Variants in FRMPD4 observed in about 807,000 individuals in gnomAD.
FRMPD4 encodes FERM and PDZ domain containing 4, also known as FERM and PDZ domain-containing protein 4.
Under a neutral mutation model 94.1 loss-of-function variants are expected in FRMPD4, and 22 were observed. The observed-to-expected ratio is 0.23, with a 90% CI of 0.17 to 0.33. FRMPD4 has a LOEUF of 0.33. FRMPD4 is among the 10% of genes least tolerant of loss of function. FRMPD4 has a pLI of 1.00. For synonymous variants in FRMPD4, 631 were observed against 548.6 expected (o/e 1.15, Z -2.10); for missense variants, 1,111 against 1,339.9 (o/e 0.83, Z 2.67).
intron 3 of FRMPD4, among the ~76,000 whole-genome samples, chrX:11,990,579 T>C (rs544695072): frequency 1.8e-5 from 2 of 112,114 alleles, no homozygotes; most frequent in African/African-American, 6.5e-5. Context: ...ACTGGGCTTG[T>C]TTTCCTAGTT....
rs2042225560 is a variant in FRMPD4 at position 12,720,895 on chromosome X, G to A, written c.4326G>A (p.Arg1442=). The A allele has an allele frequency of 1.2e-6, 1 of 842,731 alleles. No homozygotes were observed. Among genetic ancestry groups the A allele is most frequent in the Non-Finnish European group, 1.4e-6 (1 of 694,422 alleles). 69.5% of individuals were successfully genotyped at this position (842,731 alleles called of 1,213,427 possible). The change falls in exon 17 of 17, where the codon AGG becomes AGA. Residue 1442 remains arginine (R), a synonymous_variant. Coordinates refer to ENST00000675598, the MANE Select transcript of FRMPD4 (RefSeq NM_001368397.1). Reference sequence around the variant, plus strand: ...AAGCACAGGAGGCCAGTTCTGAAAGGCGAGCAGAACTCCCCCTGGGGAGGA... The same window carrying A: ...AAGCACAGGAGGCCAGTTCTGAAAGACGAGCAGAACTCCCCCTGGGGAGGA... ...ITEAQEASSE[R]RAELPLGRKL... is the part of the protein sequence containing the mutation.
chrX:12,500,743 T>A (rs908961800), intron 2 of FRMPD4, among the ~76,000 whole-genome samples: 2 of 111,525 alleles, frequency 1.8e-5, no homozygotes, highest in African/African-American at 6.5e-5. Flanking sequence ...AGAGTTTGAA[T>A]TCATAATTTC....
At position 12,716,118 on chromosome X, in the gene FRMPD4, T is replaced by C; in HGVS notation, c.1659T>C (p.Cys553=). The change falls in exon 15 of 17, where the codon TGT becomes TGC. Residue 553 remains cysteine (C), a synonymous_variant. Coordinates refer to ENST00000675598, the MANE Select transcript of FRMPD4 (RefSeq NM_001368397.1). ...KHNLLGPDWN[C]IPQMTTFIGE... is the part of the protein sequence containing the mutation. Reference sequence around the variant, plus strand: ...ACCTCCTTGGCCCAGATTGGAACTGTATACCCCAAATGACCACCTTTATTG... The same window carrying C: ...ACCTCCTTGGCCCAGATTGGAACTGCATACCCCAAATGACCACCTTTATTG... 3 of 1,204,320 alleles carry C rather than the reference T, an allele frequency of 2.5e-6. No individual in the cohort carries two copies. Among genetic ancestry groups the C allele is most frequent in the South Asian group, 3.6e-5 (2 of 56,082 alleles).
chrX:11,919,922 A>T (rs1401529745), intron 3 of FRMPD4, among the ~76,000 whole-genome samples: 3 of 112,609 alleles, frequency 2.7e-5, no homozygotes, highest in African/African-American at 9.7e-5. Context: ...CTGCAGGATA[A>T]CATGGCAATG....
chrX:11,994,076 C>T (rs766190210), intron 3 of FRMPD4, among the ~76,000 whole-genome samples: 1 of 110,880 alleles, frequency 9.0e-6, no homozygotes, highest in East Asian at 2.8e-4. Context: ...GATTTTGCCC[C>T]CCCAGAAGAC....
intron 2 of FRMPD4, among the ~76,000 whole-genome samples, chrX:12,534,517 G>A (rs764154328): frequency 3.6e-5 from 4 of 112,449 alleles, no homozygotes; most frequent in African/African-American, 1.3e-4. Context: ...TCCCATGAAG[G>A]CAGCCAGGAG....
intron 1 of FRMPD4, among the ~76,000 whole-genome samples, chrX:12,180,784 G>A (rs1020100286): frequency 3.6e-5 from 4 of 112,428 alleles, no homozygotes; most frequent in Non-Finnish European, 5.6e-5. Flanking sequence ...TAGACAGTAT[G>A]GAATGAAAAC....
At chrX:12,271,480 C>T (rs143733503) in intron 1 of FRMPD4, among the ~76,000 whole-genome samples, 2 of 111,942 alleles carry the variant, frequency 1.8e-5, no homozygotes, top group African/African-American at 6.5e-5. Flanking sequence ...AGATGTCTCA[C>T]ATTTTCTGCG....
intron 1 of FRMPD4, among the ~76,000 whole-genome samples, chrX:12,239,243 AG>A (rs1407900329): frequency 8.9e-6 from 1 of 112,269 alleles, no homozygotes; most frequent in Non-Finnish European, 1.9e-5. Context: ...AATGTTTAAA[AG>A]GGTTGGGGGA....
chrX:12,150,850 T>G (rs6530484), intron 1 of FRMPD4, among the ~76,000 whole-genome samples: 51,188 of 110,279 alleles, frequency 0.46, 10,317 homozygotes, highest in East Asian at 0.83. Context: ...AATACTTAAA[T>G]ATTTGATCAT....
At position 12,336,586 on chromosome X, in the gene FRMPD4, C is replaced by T. The variant is rs192698177; in HGVS notation, c.42-162094C>T. Among the ~76,000 whole-genome samples the T allele has an allele frequency of 3.6e-5, 4 of 111,434 alleles. No individual in the cohort carries two copies. In the East Asian group the frequency reaches 8.5e-4, roughly 24 times the overall value. ...CACTGCTGATTCATGTATGGAGCCA[C>T]ATCATTAAGCTCACAGACACTGTAC... On this transcript the variant is annotated intron_variant, in intron 1 of 16. Coordinates refer to ENST00000675598, the MANE Select transcript of FRMPD4 (RefSeq NM_001368397.1).
chrX:12,148,488 T>G (rs1305197948), intron 1 of FRMPD4, among the ~76,000 whole-genome samples: 2 of 112,153 alleles, frequency 1.8e-5, no homozygotes, highest in African/African-American at 3.2e-5. Context: ...GGGATTAGTT[T>G]GTGAGGCTTA....
chrX:12,005,376 C>T (rs1315830587), intron 3 of FRMPD4, among the ~76,000 whole-genome samples: 2 of 107,737 alleles, frequency 1.9e-5, no homozygotes, highest in South Asian at 4.2e-4. Context: ...CACAGACACC[C>T]GATGTTGGCT....
In FRMPD4 at chrX:12,461,658, C is replaced by T. The variant is rs750469406; in HGVS notation, c.42-37022C>T. On this transcript the variant is annotated intron_variant, in intron 1 of 16. Transcript: ENST00000675598. ...ACCTGCCAGCCCAGCAAGTTGAGAA[C>T]TATATTTGTAAGGCTGAGAGAGGAT... Among the ~76,000 whole-genome samples, 6 of 111,917 alleles carry T rather than the reference C, an allele frequency of 5.4e-5. No individual in the cohort carries two copies. The South Asian group carries it at 2.2e-3, about 42-fold the overall frequency.
intron 1 of FRMPD4, among the ~76,000 whole-genome samples, chrX:12,177,933 C>T (rs745647773): frequency 4.4e-4 from 49 of 111,615 alleles, no homozygotes; most frequent in Non-Finnish European, 7.9e-4. Context: ...TTCATCTTTC[C>T]GTTTCTGCAC....
At chrX:11,926,656 C>A (rs892752524) in intron 3 of FRMPD4, among the ~76,000 whole-genome samples, 1 of 111,724 alleles carries the variant, frequency 9.0e-6, no homozygotes, top group African/African-American at 3.3e-5. Flanking sequence ...AAGACAAAAA[C>A]CACATGATGA....
chrX:12,178,360 T>A lies in FRMPD4; in HGVS notation c.41+39348T>A, dbSNP rs749373319. Among the ~76,000 whole-genome samples the A allele has an allele frequency of 3.6e-5, 4 of 112,111 alleles. No individual in the cohort carries two copies. In the East Asian group the frequency reaches 1.1e-3, roughly 31 times the overall value. On this transcript the variant is annotated intron_variant, in intron 1 of 16. Coordinates refer to ENST00000675598, the MANE Select transcript of FRMPD4 (RefSeq NM_001368397.1). ...AAGACACCTACCATGAGTGATTTTTTAAAAAATTAATTGATTTAGGTGTTC... is the reference window on the plus strand; with the variant it reads ...AAGACACCTACCATGAGTGATTTTTAAAAAAATTAATTGATTTAGGTGTTC...
intron 3 of FRMPD4, among the ~76,000 whole-genome samples, chrX:11,991,471 G>T (rs1012063772): frequency 1.1e-4 from 12 of 112,050 alleles, no homozygotes; most frequent in African/African-American, 3.9e-4. Context: ...TGGAAAGACA[G>T]AAATAAATGA....
intron 1 of FRMPD4, among the ~76,000 whole-genome samples, chrX:11,847,103 C>T (rs1442994953): frequency 9.2e-6 from 1 of 109,135 alleles, no homozygotes; most frequent in Admixed American, 9.8e-5. Context: ...CAACCTACAA[C>T]ATGGGAGAAA....
Sources: gnomAD v4.1 joint callset for allele counts (sites outside exome capture counted in the v4.1 genomes callset) on GRCh38, gnomAD v4.1.1 for gene constraint, MANE v1.5 for transcripts, NCBI Gene and HGNC (gene_info 2026-07-23, HGNC 2026-07-21) for gene names.